Variants in ACYP2 observed in about 807,000 individuals in gnomAD.
ACYP2 encodes the protein acylphosphatase-2.
In ACYP2, 12 loss-of-function variants were observed where a neutral mutation model predicts 11.2. The ratio of observed to expected loss-of-function variants is 1.08; its 90% CI spans 0.69 to 1.74. The LOEUF (loss-of-function observed/expected upper bound fraction) is 1.74, where lower values mean the gene tolerates loss of function less well. Among genes scored for constraint, ACYP2 ranks in the 40% most tolerant of loss-of-function variants. The pLI is 0.00. For missense variants in ACYP2, 134 were observed against 101.9 expected (o/e 1.31, Z -1.35); for synonymous variants, 43 against 32.2 (o/e 1.33, Z -1.13).
intron 2 of ACYP2, among the ~76,000 whole-genome samples, chr2:53,974,214 A>G (rs996560551): frequency 6.6e-6 from 1 of 152,042 alleles, no homozygotes; most frequent in African/African-American, 2.4e-5. Context: ...GAGCCCGGCC[A>G]TATTTAGATA....
intron 6 of ACYP2, among the ~76,000 whole-genome samples, chr2:54,198,232 C>T (rs1684597903): frequency 6.6e-6 from 1 of 152,092 alleles, no homozygotes; most frequent in Non-Finnish European, 1.5e-5. Flanking sequence ...CCAGGTTGGT[C>T]TCAAACTCCT....
chr2:54,117,123 C>A lies in ACYP2; in HGVS notation c.278-18330C>A, dbSNP rs377049702. The stretch of plus-strand genomic sequence containing the variant: ...AACCGAGCATACTGACATACTGATT[C>A]TTTGAAGAGAAATTTAGAACTCATT... On this transcript the variant is annotated intron_variant, in intron 4 of 6. Coordinates refer to ENST00000607452, the MANE Select transcript of ACYP2 (RefSeq NM_001320586.2). Among the ~76,000 whole-genome samples the A allele has an allele frequency of 1.9e-4, 29 of 152,164 alleles. 1 individual carries two copies. The East Asian group carries it at 5.6e-3, about 29-fold the overall frequency.
intron 6 of ACYP2, among the ~76,000 whole-genome samples, chr2:54,300,129 A>T (rs1204000399): frequency 6.6e-6 from 1 of 152,134 alleles, no homozygotes; most frequent in Non-Finnish European, 1.5e-5. Flanking sequence ...TCTCTTCCAT[A>T]CAGAGAAAAT....
At chr2:54,255,368 G>A (rs1687449884) in intron 6 of ACYP2, 2 of 1,614,168 alleles carry the variant, frequency 1.2e-6, no homozygotes, top group Non-Finnish European at 1.7e-6. Flanking sequence ...ATGGCAGACA[G>A]CTGTGGGTGG....
intron 2 of ACYP2, among the ~76,000 whole-genome samples, chr2:54,001,455 G>A (rs1573488108): frequency 6.6e-6 from 1 of 152,170 alleles, no homozygotes; most frequent in East Asian, 1.9e-4. Context: ...GTGCAGTGGT[G>A]TGATCTCAGC....
chr2:54,186,544 G>A (rs560654629), intron 6 of ACYP2, among the ~76,000 whole-genome samples: 5 of 152,002 alleles, frequency 3.3e-5, no homozygotes, highest in Middle Eastern at 3.4e-3. Context: ...ATGGAGTTTC[G>A]CTCTTGTTGC....
At chr2:54,026,585 T>C (rs1674300267) in intron 2 of ACYP2, among the ~76,000 whole-genome samples, 1 of 152,116 alleles carries the variant, frequency 6.6e-6, no homozygotes, top group Non-Finnish European at 1.5e-5. Context: ...AATAAGTCAT[T>C]ATATGAAAAA....
intron 6 of ACYP2, among the ~76,000 whole-genome samples, chr2:54,284,065 C>G (rs995012440): frequency 1.3e-5 from 2 of 152,166 alleles, no homozygotes; most frequent in African/African-American, 4.8e-5. Context: ...GAGCCGAGAT[C>G]GTGCCACTGC....
rs1251866091 is a variant in ACYP2, at chr2:54,197,939, AT to A, written c.404+59193del. On this transcript the variant is annotated intron_variant, in intron 6 of 6. Transcript: ENST00000607452. Reference sequence around the variant, plus strand: ...ATTATTTTATTTTATTTATGTATGTATTATATTGTATTGTATTGTATTGTAT... The same window carrying A: ...ATTATTTTATTTTATTTATGTATGTATATATTGTATTGTATTGTATTGTAT... Among the ~76,000 whole-genome samples, 68 of 72,346 alleles carry A rather than the reference AT, an allele frequency of 9.4e-4. 1 individual carries two copies. Among genetic ancestry groups the A allele is most frequent in the East Asian group, 3.2e-3 (8 of 2,488 alleles). 47.5% of individuals were successfully genotyped at this position (72,346 alleles called of 152,430 possible). A position where few individuals can be genotyped will look rare whatever the true frequency, so the allele number is the denominator to read the frequency against.
chr2:54,201,813 A>G (rs1684846513), intron 6 of ACYP2, among the ~76,000 whole-genome samples: 1 of 150,728 alleles, frequency 6.6e-6, no homozygotes, highest in East Asian at 2.0e-4. Flanking sequence ...GGTTCAAGCA[A>G]TTCTCCTGCC....
chr2:54,044,189 C>T (rs1367285203), intron 2 of ACYP2, among the ~76,000 whole-genome samples: 1 of 152,216 alleles, frequency 6.6e-6, no homozygotes, highest in Non-Finnish European at 1.5e-5. Context: ...ACACCACAAA[C>T]AGACTCCCTT....
chr2:54,073,278 G>T (rs1464422175), intron 4 of ACYP2, among the ~76,000 whole-genome samples: 1 of 152,016 alleles, frequency 6.6e-6, no homozygotes, highest in Non-Finnish European at 1.5e-5. Context: ...TGTAGTCCCA[G>T]CTACTTGGGA....
intron 6 of ACYP2, among the ~76,000 whole-genome samples, chr2:54,231,783 C>T (rs1686247008): frequency 6.6e-6 from 1 of 152,138 alleles, no homozygotes; most frequent in Admixed American, 6.5e-5. Flanking sequence ...TGTAAGAGTC[C>T]ATTTCCTGCC....
intron 6 of ACYP2, among the ~76,000 whole-genome samples, chr2:54,232,976 G>C (rs184141164): frequency 1.3e-5 from 2 of 152,068 alleles, no homozygotes; most frequent in African/African-American, 4.8e-5. Flanking sequence ...TTTTAATTAT[G>C]ACATGTTGCT....
At chr2:54,001,159 A>C (rs1256706400) in intron 2 of ACYP2, among the ~76,000 whole-genome samples, 1 of 152,302 alleles carries the variant, frequency 6.6e-6, no homozygotes, top group Non-Finnish European at 1.5e-5. Flanking sequence ...CTTCAAGACC[A>C]GCCTGGACAA....
chr2:54,065,407 C>T, intron 4 of ACYP2: 3 of 398,386 alleles, frequency 7.5e-6, no homozygotes, highest in African/African-American at 2.1e-5. Flanking sequence ...CTTTTATATA[C>T]ATACATAAAC....
chr2:54,227,531 T>C (rs1335523083), intron 6 of ACYP2, among the ~76,000 whole-genome samples: 1 of 151,958 alleles, frequency 6.6e-6, no homozygotes, highest in Non-Finnish European at 1.5e-5. Flanking sequence ...TCCCAGCTAC[T>C]TGGGAGGCTG....
In ACYP2 at chr2:54,050,547, GAAA is replaced by G. The variant is rs58128669; in HGVS notation, c.63-395_63-393del. Among the ~76,000 whole-genome samples the G allele has an allele frequency of 8.1e-3, 678 of 83,198 alleles. 9 individuals carry two copies. The highest frequency in any genetic ancestry group is 0.026 in the African/African-American group (632 of 24,404). 54.6% of individuals were successfully genotyped at this position (83,198 alleles called of 152,430 possible). ...GGTGATAGAGTGAAACCCCATCCCT[GAAA>G]AAAAAAAAAAAAAAAGAAAATAACT... On this transcript the variant is annotated intron_variant, in intron 2 of 6. Transcript: ENST00000607452.
intron 4 of ACYP2, among the ~76,000 whole-genome samples, chr2:54,100,842 A>G (rs949322608): frequency 1.3e-5 from 2 of 152,248 alleles, no homozygotes; most frequent in Non-Finnish European, 2.9e-5. Flanking sequence ...TGAATGGGAA[A>G]TGAGGCTGGA....
Sources: allele counts gnomAD v4.1 joint callset (sites outside exome capture counted in the v4.1 genomes callset), GRCh38; gene constraint gnomAD v4.1.1; transcripts MANE v1.5; gene names NCBI Gene and HGNC (gene_info 2026-07-23, HGNC 2026-07-21).